TRMT9B: variants seen among roughly 807,000 people sequenced by gnomAD.
TRMT9B encodes probable tRNA methyltransferase 9B.
In TRMT9B, 16 loss-of-function variants were observed where a neutral mutation model predicts 11.5. The ratio of observed to expected loss-of-function variants is 1.39; its 90% CI spans 0.94 to 2.11. The LOEUF (loss-of-function observed/expected upper bound fraction) is 2.11, where lower values mean the gene tolerates loss of function less well. Ranked by LOEUF, TRMT9B falls within the 30% of genes most tolerant of loss-of-function variation. The pLI, the probability that TRMT9B is intolerant of heterozygous loss-of-function variation, is 0.00. For missense variants in TRMT9B, 941 were observed against 553.8 expected, an observed-to-expected ratio of 1.70 and a Z score of -7.02; for synonymous variants, 274 against 192.4, an observed-to-expected ratio of 1.42 and a Z score of -3.51.
chr8:13,025,709 C>G lies in TRMT9B; in HGVS notation c.*3665C>G, dbSNP rs1814611239. ...TTGCCAGTATAGTGATGATATGACA[C>G]CAGCATATCAAAGTAACTAACAAAC... On this transcript the variant is annotated 3_prime_UTR_variant, in exon 5 of 5. Coordinates refer to ENST00000524591, the MANE Select transcript of TRMT9B (RefSeq NM_020844.3). 6.0e-6 allele frequency: 1 copy of G among 167,026 alleles called. No homozygotes were observed. The highest frequency in any genetic ancestry group is 1.9e-4 in the East Asian group (1 of 5,204). The allele number at this position is 167,026 out of a possible 1,614,324, so 10.3% of individuals were successfully genotyped here.
At chr8:12,971,830 T>C (rs1186635160) in intron 1 of TRMT9B, among the ~76,000 whole-genome samples, 1 of 152,230 alleles carries the variant, frequency 6.6e-6, no homozygotes, top group Non-Finnish European at 1.5e-5. Context: ...TTTAAATATT[T>C]CCTATTTATT....
At chr8:12,972,248 G>A (rs1803747368) in intron 1 of TRMT9B, among the ~76,000 whole-genome samples, 1 of 152,154 alleles carries the variant, frequency 6.6e-6, no homozygotes, top group Admixed American at 6.5e-5. Context: ...TCAGAACCTA[G>A]AAGCTTGGAC....
chr8:13,011,779 G>T (rs529710121), intron 3 of TRMT9B: 1 of 952,568 alleles, frequency 1.0e-6, no homozygotes, highest in Non-Finnish European at 1.2e-6. Flanking sequence ...AATCTGAGTT[G>T]TATACTGGAC....
At chr8:12,991,417 C>G (rs1222327247) in intron 2 of TRMT9B, among the ~76,000 whole-genome samples, 2 of 152,066 alleles carry the variant, frequency 1.3e-5, no homozygotes, top group African/African-American at 4.8e-5. Flanking sequence ...GTAATTAGGT[C>G]TTTTTTATAA....
In TRMT9B at chr8:13,002,178, C is replaced by T. The variant is rs144766102; in HGVS notation, c.-1-4024C>T. 4.0e-3 allele frequency among the ~76,000 whole-genome samples: 607 copies of T among 152,222 alleles called. 3 individuals are homozygous for T. The highest frequency in any genetic ancestry group is 0.014 in the African/African-American group (588 of 41,544). On this transcript the variant is annotated intron_variant, in intron 2 of 4. Coordinates refer to ENST00000524591, the MANE Select transcript of TRMT9B (RefSeq NM_020844.3). ...AACTTAGGGGAAGATCTTGGGGGTG[C>T]TGTTCAGATACTACAAATTCTGAGC...
intron 2 of TRMT9B, among the ~76,000 whole-genome samples, chr8:12,997,927 C>G (rs2466259): frequency 7.9e-5 from 12 of 151,754 alleles, no homozygotes; most frequent in Admixed American, 7.9e-4. Context: ...TTTGTGTTTT[C>G]CATTTTACCC....
chr8:12,950,945 A>G (rs1297092661), intron 1 of TRMT9B, among the ~76,000 whole-genome samples: 2 of 152,160 alleles, frequency 1.3e-5, no homozygotes, highest in African/African-American at 4.8e-5. Flanking sequence ...AGCGGTTACT[A>G]AATGTGCTCA....
intron 2 of TRMT9B, among the ~76,000 whole-genome samples, chr8:12,998,596 G>T (rs771446771): frequency 1.3e-5 from 2 of 152,200 alleles, no homozygotes; most frequent in African/African-American, 4.8e-5. Context: ...TTCTTAGGAG[G>T]AGCAGGTATA....
chr8:12,978,479 G>A (rs946077595), intron 1 of TRMT9B, among the ~76,000 whole-genome samples: 1 of 144,782 alleles, frequency 6.9e-6, no homozygotes, highest in Non-Finnish European at 1.5e-5. Flanking sequence ...GACAGTTGCT[G>A]CTAACCCGCG....
intron 1 of TRMT9B, among the ~76,000 whole-genome samples, chr8:12,946,258 G>T (rs909304676): frequency 6.6e-6 from 1 of 152,154 alleles, no homozygotes; most frequent in East Asian, 1.9e-4. Flanking sequence ...ATCTTTTATG[G>T]AAGAGACGGC....
In TRMT9B at chr8:13,008,902, G is replaced by C. The variant is rs573998918; in HGVS notation, c.154+2546G>C. Among the ~76,000 whole-genome samples, 5 of 152,128 alleles carry C rather than the reference G, an allele frequency of 3.3e-5. No individual in the cohort carries two copies. In the South Asian group the frequency reaches 1.0e-3, roughly 32 times the overall value. ...CGCCACCACGCCCAGCTAATTTTTTGTATTTTTAGTAGAGACGGAGTTTCA... is the reference window on the plus strand; with the variant it reads ...CGCCACCACGCCCAGCTAATTTTTTCTATTTTTAGTAGAGACGGAGTTTCA... On this transcript the variant is annotated intron_variant, in intron 3 of 4. Transcript: ENST00000524591.
chr8:12,974,479 C>T (rs1170088794), intron 1 of TRMT9B, among the ~76,000 whole-genome samples: 2 of 152,084 alleles, frequency 1.3e-5, no homozygotes, highest in Non-Finnish European at 2.9e-5. Context: ...AATCTGTGGG[C>T]CTGCCTGAAT....
At chr8:13,012,135 C>A (rs906414737) in intron 3 of TRMT9B, 3 of 985,652 alleles carry the variant, frequency 3.0e-6, no homozygotes, top group Middle Eastern at 5.2e-4. Context: ...GTGGACATCA[C>A]CTCATTAAAT....
intron 1 of TRMT9B, among the ~76,000 whole-genome samples, chr8:12,957,210 A>T (rs1043186522): frequency 6.6e-6 from 1 of 152,342 alleles, no homozygotes; most frequent in Non-Finnish European, 1.5e-5. Flanking sequence ...AGCAACAAAA[A>T]GGTAGCCAAG....
intron 4 of TRMT9B, among the ~76,000 whole-genome samples, chr8:13,020,272 C>A (rs1519151): frequency 6.6e-6 from 1 of 151,430 alleles, no homozygotes; most frequent in South Asian, 2.1e-4. Context: ...GACACAATAC[C>A]GTGATTATAC....
intron 4 of TRMT9B, among the ~76,000 whole-genome samples, chr8:13,014,046 T>A (rs1426914802): frequency 6.6e-6 from 1 of 152,226 alleles, no homozygotes; most frequent in Non-Finnish European, 1.5e-5. Context: ...AATTGCAGAA[T>A]AAGATGATTT....
At chr8:12,993,082 G>C (rs1521040) in intron 2 of TRMT9B, among the ~76,000 whole-genome samples, 102,712 of 151,944 alleles carry the variant, frequency 0.68, 35,909 homozygotes, top group Middle Eastern at 0.79. Context: ...TCCCTCTCGG[G>C]AAAAAGTGAG....
In TRMT9B at chr8:13,021,412, A is replaced by T. The variant is rs1404485738; in HGVS notation, c.733A>T (p.Lys245Ter). The change falls in exon 5 of 5, where the codon AAA (lysine) becomes TAA (stop). Residue 245 changes from lysine (K) to a stop codon, truncating the protein, a stop_gained. Coordinates refer to ENST00000524591, the MANE Select transcript of TRMT9B (RefSeq NM_020844.3). LOFTEE classifies it low-confidence loss of function (END_TRUNC). ...ATATGGATTTTACAGCACATTAGGA[A>T]AATCGTTTCGTTCCTGGTTTTTCTC... is the stretch of plus-strand genomic sequence containing the variant. ...EEYGFYSTLG[K>*]SFRSWFFSRS... is the part of the protein sequence containing the mutation. 6.2e-7 allele frequency: 1 copy of T among 1,613,938 alleles called. No homozygotes were observed. The highest frequency in any genetic ancestry group is 8.5e-7 in the Non-Finnish European group (1 of 1,179,896).
chr8:12,961,952 G>A (rs1420571589), intron 1 of TRMT9B: 1 of 152,210 alleles, frequency 6.6e-6, no homozygotes, highest in African/African-American at 2.4e-5. Flanking sequence ...TTGCCATCCA[G>A]TTTCATATTG....
Sources: gnomAD v4.1 joint callset for allele counts (sites outside exome capture counted in the v4.1 genomes callset) on GRCh38, gnomAD v4.1.1 for gene constraint, MANE v1.5 for transcripts, NCBI Gene and HGNC (gene_info 2026-07-23, HGNC 2026-07-21) for gene names.